UGT8: variants seen among roughly 807,000 people sequenced by gnomAD.
The protein encoded by UGT8 is 2-hydroxyacylsphingosine 1-beta-galactosyltransferase.
UGT8 carries 12 observed loss-of-function variants against 40.5 expected under a neutral mutation model. The ratio of observed to expected loss-of-function variants is 0.30; its 90% CI spans 0.19 to 0.48. UGT8 has a LOEUF of 0.48. UGT8 is among the 20% of genes least tolerant of loss of function. The pLI, the probability that UGT8 is intolerant of heterozygous loss-of-function variation, is 0.99. For synonymous variants in UGT8, 224 were observed against 240.4 expected (o/e 0.93, Z 0.63); for missense variants, 513 against 648.7 (o/e 0.79, Z 2.27).
chr4:114,636,921 C>A (rs150214517), intron 2 of UGT8, among the ~76,000 whole-genome samples: 106 of 152,240 alleles, frequency 7.0e-4, no homozygotes, highest in African/African-American at 2.6e-3. Flanking sequence ...TTAGCTGCAG[C>A]AAAGAATGAG....
intron 2 of UGT8, among the ~76,000 whole-genome samples, chr4:114,632,854 G>GT (rs1732657348): frequency 6.6e-6 from 1 of 152,140 alleles, no homozygotes; most frequent in Non-Finnish European, 1.5e-5. Flanking sequence ...AGTCAATACA[G>GT]TTGCCTAATT....
At chr4:114,600,128 T>C (rs1303162794) in intron 1 of UGT8, among the ~76,000 whole-genome samples, 1 of 152,014 alleles carries the variant, frequency 6.6e-6, no homozygotes, top group Non-Finnish European at 1.5e-5. Flanking sequence ...AGCAGGAAAA[T>C]GTCGCCAAGG....
chr4:114,620,220 G>C (rs888886093), intron 1 of UGT8, among the ~76,000 whole-genome samples: 1 of 152,108 alleles, frequency 6.6e-6, no homozygotes, highest in Non-Finnish European at 1.5e-5. Flanking sequence ...GTGTACCTAT[G>C]GTCTGCTCAG....
intron 2 of UGT8, among the ~76,000 whole-genome samples, chr4:114,653,206 T>C (rs552671196): frequency 1.4e-4 from 21 of 152,276 alleles, no homozygotes; most frequent in Non-Finnish European, 2.8e-4. Flanking sequence ...TAAAGACTTC[T>C]CTTCCCTTGA....
At chr4:114,632,564 TAATG>T (rs1290355813) in intron 2 of UGT8, among the ~76,000 whole-genome samples, 2 of 152,236 alleles carry the variant, frequency 1.3e-5, no homozygotes, top group Admixed American at 6.5e-5. Context: ...AGTAACTACT[TAATG>T]AATGTCTATT....
Position 114,654,914 on chromosome 4 carries a change from A to G in UGT8, c.823-9081A>G, listed in dbSNP as rs528463644. On this transcript the variant is annotated intron_variant, in intron 2 of 5. Transcript: ENST00000310836. ...ACTGGAAATACTAATTTAGCTGTTTATGGGAACATACAGTCTGCCACACAA... is the reference window on the plus strand; with the variant it reads ...ACTGGAAATACTAATTTAGCTGTTTGTGGGAACATACAGTCTGCCACACAA... Among the ~76,000 whole-genome samples the G allele has an allele frequency of 4.6e-5, 7 of 152,178 alleles. No homozygotes were observed. In the South Asian group the frequency reaches 1.2e-3, roughly 27 times the overall value.
At chr4:114,631,048 C>A (rs1351932669) in intron 2 of UGT8, among the ~76,000 whole-genome samples, 1 of 152,130 alleles carries the variant, frequency 6.6e-6, no homozygotes, top group Non-Finnish European at 1.5e-5. Flanking sequence ...ACTCAGTAAC[C>A]TAGAAATGCC....
intron 2 of UGT8, chr4:114,663,788 A>G: frequency 1.0e-6 from 1 of 985,308 alleles, no homozygotes; most frequent in South Asian, 4.7e-5. Context: ...ATCTTACCAA[A>G]TAAACCACAT....
intron 2 of UGT8, among the ~76,000 whole-genome samples, chr4:114,624,636 C>A (rs947274926): frequency 1.3e-5 from 2 of 152,038 alleles, no homozygotes; most frequent in African/African-American, 4.8e-5. Context: ...TCTATCAGGG[C>A]CTTGATGAAG....
intron 2 of UGT8, among the ~76,000 whole-genome samples, chr4:114,655,685 A>G (rs1734142254): frequency 6.6e-6 from 1 of 152,054 alleles, no homozygotes; most frequent in Non-Finnish European, 1.5e-5. Flanking sequence ...ACATTGATAT[A>G]TATTTTGTGC....
intron 1 of UGT8, among the ~76,000 whole-genome samples, chr4:114,621,372 A>G (rs1046769138): frequency 2.0e-5 from 3 of 152,226 alleles, no homozygotes; most frequent in African/African-American, 7.2e-5. Flanking sequence ...GCAAATTGAC[A>G]TAGATTACAT....
At chr4:114,636,631 TAA>T (rs1389357569) in intron 2 of UGT8, among the ~76,000 whole-genome samples, 1 of 152,228 alleles carries the variant, frequency 6.6e-6, no homozygotes, top group Non-Finnish European at 1.5e-5. Context: ...TTATCAAAAT[TAA>T]GTTTCTATTT....
At chr4:114,622,796 T>G in intron 1 of UGT8, 83 bp from the exon 2 acceptor site, 2 of 1,263,498 alleles carry the variant, frequency 1.6e-6, no homozygotes, top group Non-Finnish European at 1.1e-6. Context: ...CAGATATTTT[T>G]GGGGAAAAAT....
chr4:114,646,665 T>C (rs1733591411), intron 2 of UGT8, among the ~76,000 whole-genome samples: 1 of 152,212 alleles, frequency 6.6e-6, no homozygotes, highest in Admixed American at 6.5e-5. Flanking sequence ...GGGCATTAGT[T>C]CTAATTCTCT....
chr4:114,657,179 T>C (rs537283583), intron 2 of UGT8, among the ~76,000 whole-genome samples: 2 of 151,652 alleles, frequency 1.3e-5, no homozygotes, highest in South Asian at 2.1e-4. Context: ...CTTGCCATCA[T>C]CATATCCTCG....
rs769657460 is a variant in UGT8, at chr4:114,675,922, T to C, written c.1263-3T>C. On this transcript the variant is annotated splice_region_variant and splice_polypyrimidine_tract_variant and intron_variant, in intron 5 of 5. Transcript: ENST00000310836. ...CATTCTGTGTTTTGTCCCCTCTCCA[T>C]AGCTACCGTCAGAGGGCTCAGAAGC... 29 of 1,608,132 alleles carry C rather than the reference T, an allele frequency of 1.8e-5. No homozygotes were observed. The Admixed American group carries it at 4.7e-4, about 26-fold the overall frequency.
chr4:114,632,212 T>C (rs1732624158), intron 2 of UGT8, among the ~76,000 whole-genome samples: 1 of 152,212 alleles, frequency 6.6e-6, no homozygotes, highest in African/African-American at 2.4e-5. Flanking sequence ...GTTAATTAGC[T>C]GGTTAACAGA....
chr4:114,657,714 G>A (rs1266498020), intron 2 of UGT8, among the ~76,000 whole-genome samples: 2 of 151,394 alleles, frequency 1.3e-5, no homozygotes, highest in African/African-American at 4.9e-5. Context: ...TTCTCAATGT[G>A]GATATCATTT....
chr4:114,656,200 C>T (rs932823049), intron 2 of UGT8, among the ~76,000 whole-genome samples: 1 of 151,966 alleles, frequency 6.6e-6, no homozygotes, highest in Non-Finnish European at 1.5e-5. Context: ...GAATTGGAAG[C>T]TATGTAAATA....
Sources: gnomAD v4.1 joint callset for allele counts (sites outside exome capture counted in the v4.1 genomes callset) on GRCh38, gnomAD v4.1.1 for gene constraint, MANE v1.5 for transcripts, NCBI Gene and HGNC (gene_info 2026-07-23, HGNC 2026-07-21) for gene names.